Variants in DSCAML1 observed in about 807,000 individuals in gnomAD.
The protein encoded by DSCAML1 is DS cell adhesion molecule like 1, also known as cell adhesion molecule DSCAML1.
DSCAML1 carries 38 observed loss-of-function variants against 200.5 expected under a neutral mutation model. That is an observed-to-expected ratio of 0.19 (90% CI 0.15 to 0.25). The LOEUF (loss-of-function observed/expected upper bound fraction) is 0.25, where lower values mean the gene tolerates loss of function less well. DSCAML1 is among the 10% of genes least tolerant of loss of function. The probability of loss-of-function intolerance (pLI) is 1.00; values close to 1 mark genes in which losing one functional copy is unlikely to be tolerated. For missense variants in DSCAML1, 2,223 were observed against 2,858.8 expected, an observed-to-expected ratio of 0.78 and a Z score of 5.07; for synonymous variants, 1,215 against 1,165.0, an observed-to-expected ratio of 1.04 and a Z score of -0.87.
intron 11 of DSCAML1, among the ~76,000 whole-genome samples, chr11:117,492,816 G>A (rs151204369): frequency 1.8e-3 from 272 of 152,272 alleles, no homozygotes; most frequent in Non-Finnish European, 3.0e-3. Context: ...GTGGGGAGGG[G>A]GTGCCTTCTG....
rs544327252 is a variant in DSCAML1, at chr11:117,597,966, G to A, written c.512-65444C>T. 4.2e-4 allele frequency among the ~76,000 whole-genome samples: 64 copies of A among 152,104 alleles called. 1 individual carries two copies. Among genetic ancestry groups the A allele is most frequent in the South Asian group, 6.2e-4 (3 of 4,822 alleles). The stretch of plus-strand genomic sequence containing the variant: ...CATATTCAGCCTGGGCATACTGAGC[G>A]TATAGAAATATGCCTGGCCCAAACC... On this transcript the variant is annotated intron_variant, in intron 3 of 32. Transcript: ENST00000651296.
Position 117,806,505 on chromosome 11 carries a change from T to C in DSCAML1, c.-250+10885A>G, listed in dbSNP as rs57921251. Among the ~76,000 whole-genome samples the C allele has an allele frequency of 9.1e-3, 1,389 of 152,230 alleles. 14 individuals are homozygous for C. Among genetic ancestry groups the C allele is most frequent in the African/African-American group, 0.031 (1,292 of 41,526 alleles). On this transcript the variant is annotated intron_variant, in intron 1 of 2. Transcript: ENST00000525836. Reference sequence around the variant, plus strand: ...TTCTTTTGGCAAATCATAATCAGAGTCCTGGACTCCTACTAATAACAATGA... The same window carrying C: ...TTCTTTTGGCAAATCATAATCAGAGCCCTGGACTCCTACTAATAACAATGA...
intron 3 of DSCAML1, among the ~76,000 whole-genome samples, chr11:117,629,339 G>A (rs577168346): frequency 4.6e-5 from 7 of 152,200 alleles, no homozygotes; most frequent in East Asian, 1.9e-4. Flanking sequence ...ATTACCTCCC[G>A]GGGACAGGAA....
chr11:117,558,574 T>C (rs2050601490), intron 3 of DSCAML1, among the ~76,000 whole-genome samples: 1 of 152,168 alleles, frequency 6.6e-6, no homozygotes, highest in Non-Finnish European at 1.5e-5. Flanking sequence ...AACACCAGCC[T>C]GGGCAACATG....
At chr11:117,789,611 C>T (rs992632384) in intron 1 of DSCAML1, among the ~76,000 whole-genome samples, 3 of 152,094 alleles carry the variant, frequency 2.0e-5, no homozygotes, top group Middle Eastern at 3.2e-3. Context: ...CATGAAGCAC[C>T]GAAACGATGT....
intron 3 of DSCAML1, among the ~76,000 whole-genome samples, chr11:117,581,021 G>A (rs1030560075): frequency 4.6e-5 from 7 of 152,206 alleles, no homozygotes; most frequent in Non-Finnish European, 1.0e-4. Context: ...ATGCAAAAAT[G>A]ACTTGGTGAG....
intron 1 of DSCAML1, among the ~76,000 whole-genome samples, chr11:117,816,802 G>GC (rs1243468982): frequency 1.8e-5 from 2 of 109,350 alleles, no homozygotes; most frequent in Non-Finnish European, 2.1e-5. Flanking sequence ...AATTGCTGGG[G>GC]GGGTGGGGTG....
intron 1 of DSCAML1, among the ~76,000 whole-genome samples, chr11:117,789,061 A>C (rs561601865): frequency 6.6e-6 from 1 of 152,196 alleles, no homozygotes; most frequent in Non-Finnish European, 1.5e-5. Flanking sequence ...CCCCATTTCC[A>C]ATCCCCATGC....
chr11:117,635,972 C>T (rs915324683), intron 3 of DSCAML1, among the ~76,000 whole-genome samples: 1 of 152,126 alleles, frequency 6.6e-6, no homozygotes, highest in African/African-American at 2.4e-5. Context: ...TCTTTCATCC[C>T]TACCCCATTC....
intron 1 of DSCAML1, among the ~76,000 whole-genome samples, chr11:117,787,829 G>T (rs1012816543): frequency 6.6e-6 from 1 of 152,164 alleles, no homozygotes; most frequent in African/African-American, 2.4e-5. Context: ...AGCTGGAGAG[G>T]TTTCTTGGAT....
intron 3 of DSCAML1, among the ~76,000 whole-genome samples, chr11:117,757,458 T>A (rs936641182): frequency 2.6e-5 from 4 of 152,122 alleles, no homozygotes; most frequent in Admixed American, 6.5e-5. Flanking sequence ...ATTCTATGCA[T>A]GCAACATAAT....
chr11:117,576,084 A>G (rs1012084651), intron 3 of DSCAML1, among the ~76,000 whole-genome samples: 11 of 152,108 alleles, frequency 7.2e-5, no homozygotes, highest in Non-Finnish European at 1.6e-4. Flanking sequence ...CCTGCCCTAT[A>G]TCTGCAGAGC....
chr11:117,604,489 G>A (rs1167342879), intron 3 of DSCAML1, among the ~76,000 whole-genome samples: 1 of 152,140 alleles, frequency 6.6e-6, no homozygotes, highest in Non-Finnish European at 1.5e-5. Context: ...CCACCTTGGT[G>A]GGCCCTGCTC....
In DSCAML1 at chr11:117,439,940, C is replaced by T. The variant is rs1285586632; in HGVS notation, c.3863-4G>A. On this transcript the variant is annotated splice_region_variant and splice_polypyrimidine_tract_variant and intron_variant, in intron 21 of 32. Coordinates refer to ENST00000651296, the MANE Select transcript of DSCAML1 (RefSeq NM_020693.4). ...AAGGAGATGATCTTTGCTGGGGCTA[C>T]AGGGAGGAGAGGATGAGGGCCACTC... 6.2e-7 allele frequency: 1 copy of T among 1,613,340 alleles called. No homozygotes were observed. The highest frequency in any genetic ancestry group is 2.2e-5 in the East Asian group (1 of 44,860).
At chr11:117,600,360 C>A (rs2051442478) in intron 3 of DSCAML1, among the ~76,000 whole-genome samples, 1 of 152,146 alleles carries the variant, frequency 6.6e-6, no homozygotes, top group African/African-American at 2.4e-5. Context: ...CCTCTCCCGG[C>A]TGAGCTGGGA....
At chr11:117,506,314 C>T (rs2049496428) in intron 8 of DSCAML1, among the ~76,000 whole-genome samples, 1 of 152,184 alleles carries the variant, frequency 6.6e-6, no homozygotes, top group Non-Finnish European at 1.5e-5. Flanking sequence ...TGTTCAGTTG[C>T]TTTATACACA....
At chr11:117,491,418 C>G (rs987324373) in intron 11 of DSCAML1, among the ~76,000 whole-genome samples, 3 of 152,220 alleles carry the variant, frequency 2.0e-5, no homozygotes, top group Non-Finnish European at 4.4e-5. Flanking sequence ...TGGCTAGTAA[C>G]TGGCAGAGTC....
At chr11:117,731,936 T>C (rs560121027) in intron 3 of DSCAML1, among the ~76,000 whole-genome samples, 43 of 152,328 alleles carry the variant, frequency 2.8e-4, no homozygotes, top group Admixed American at 3.3e-4. Context: ...TGTCTCAGCA[T>C]GGTCCACGCA....
chr11:117,597,334 G>T (rs910561100), intron 3 of DSCAML1, among the ~76,000 whole-genome samples: 1 of 152,222 alleles, frequency 6.6e-6, no homozygotes, highest in Non-Finnish European at 1.5e-5. Context: ...AAACACCTCT[G>T]CAAGAAGCAA....
Sources: allele counts gnomAD v4.1 joint callset (sites outside exome capture counted in the v4.1 genomes callset), GRCh38; gene constraint gnomAD v4.1.1; transcripts MANE v1.5; gene names NCBI Gene and HGNC (gene_info 2026-07-23, HGNC 2026-07-21).